SMURF2: variants seen among roughly 807,000 people sequenced by gnomAD.
SMURF2 encodes SMAD specific E3 ubiquitin protein ligase 2.
In SMURF2, 48 loss-of-function variants were observed where a neutral mutation model predicts 109.6. The ratio of observed to expected loss-of-function variants is 0.44; its 90% CI spans 0.35 to 0.56. The LOEUF is 0.56. Ranked by LOEUF, SMURF2 falls within the 20% of genes least tolerant of loss-of-function variation. The pLI is 0.01. For synonymous variants in SMURF2, 288 were observed against 317.1 expected, an observed-to-expected ratio of 0.91 and a Z score of 0.97; for missense variants, 575 against 909.0, an observed-to-expected ratio of 0.63 and a Z score of 4.72.
intron 1 of SMURF2, among the ~76,000 whole-genome samples, chr17:64,612,294 A>G (rs1232130283): frequency 3.3e-5 from 5 of 152,166 alleles, no homozygotes; most frequent in African/African-American, 1.2e-4. Flanking sequence ...TGAATGAAAT[A>G]GACCCTAAAA....
At chr17:64,635,689 T>C (rs2144714906) in intron 1 of SMURF2, among the ~76,000 whole-genome samples, 1 of 152,352 alleles carries the variant, frequency 6.6e-6, no homozygotes, top group Middle Eastern at 3.4e-3. Context: ...TAATATTCCA[T>C]TGTATAGATA....
intron 12 of SMURF2, among the ~76,000 whole-genome samples, chr17:64,560,186 T>A (rs1265409088): frequency 6.6e-6 from 1 of 151,894 alleles, no homozygotes; most frequent in Non-Finnish European, 1.5e-5. Flanking sequence ...CTGCACTCCA[T>A]GGAGCCTGGG....
In SMURF2 at chr17:64,542,330, T is replaced by C. The variant is rs868910784; in HGVS notation, c.*3518A>G. The C allele has an allele frequency of 1.3e-5, 2 of 152,218 alleles. No homozygotes were observed. Among genetic ancestry groups the C allele is most frequent in the Non-Finnish European group, 2.9e-5 (2 of 68,036 alleles). The allele number at this position is 152,218 out of a possible 1,614,324, so 9.4% of individuals were successfully genotyped here. Reference sequence around the variant, plus strand: ...GACAGTGCAAACAGCATTGATTTTATTGCTCGACTTCGGCATGGGCACATA... The same window carrying C: ...GACAGTGCAAACAGCATTGATTTTACTGCTCGACTTCGGCATGGGCACATA... On this transcript the variant is annotated 3_prime_UTR_variant, in exon 19 of 19. Transcript: ENST00000262435.
chr17:64,639,805 C>T (rs1234009527), intron 1 of SMURF2, among the ~76,000 whole-genome samples: 1 of 152,116 alleles, frequency 6.6e-6, no homozygotes, highest in Admixed American at 6.5e-5. Flanking sequence ...CCCAAGTACC[C>T]GTTACTGTTT....
Position 64,662,194 on chromosome 17 carries a change from T to C in SMURF2, c.-314A>G, listed in dbSNP as rs1970793662. 5 of 1,033,128 alleles carry C rather than the reference T, an allele frequency of 4.8e-6. No individual in the cohort carries two copies. Among genetic ancestry groups the C allele is most frequent in the African/African-American group, 1.7e-5 (1 of 57,830 alleles). The allele number at this position is 1,033,128 out of a possible 1,614,324, so 64.0% of individuals were successfully genotyped here. ...CCGCCGAGGCCTTTCCCTCCTCTCG[T>C]CTCGGCGAGGCCCAGTAGCCGACGG... On this transcript the variant is annotated 5_prime_UTR_variant, in exon 1 of 19. Coordinates refer to ENST00000262435, the MANE Select transcript of SMURF2 (RefSeq NM_022739.4).
At chr17:64,583,647 C>T (rs1555686800) in intron 6 of SMURF2, 103 bp from the exon 7 acceptor site, 2 of 765,480 alleles carry the variant, frequency 2.6e-6, no homozygotes, top group East Asian at 2.5e-5. Context: ...GGAATGCCAA[C>T]CCGAAGTATC....
intron 1 of SMURF2, among the ~76,000 whole-genome samples, chr17:64,660,404 G>GA (rs1220512009): frequency 3.1e-4 from 47 of 152,264 alleles, no homozygotes; most frequent in African/African-American, 1.1e-3. Context: ...GGGGGAGGGG[G>GA]TGGAATACAA....
At chr17:64,606,555 C>T in intron 2 of SMURF2, 47 bp downstream of exon 2, 1 of 1,330,644 alleles carries the variant, frequency 7.5e-7, no homozygotes, top group Non-Finnish European at 1.0e-6. Flanking sequence ...AACGCTGTTC[C>T]CAAAGATCTA....
intron 1 of SMURF2, among the ~76,000 whole-genome samples, chr17:64,644,030 C>T (rs1201966093): frequency 6.6e-6 from 1 of 151,630 alleles, no homozygotes; most frequent in Non-Finnish European, 1.5e-5. Context: ...TTCACCATAT[C>T]GCCCAGGCTG....
chr17:64,646,911 G>A (rs1970566865), intron 1 of SMURF2, among the ~76,000 whole-genome samples: 1 of 152,146 alleles, frequency 6.6e-6, no homozygotes, highest in South Asian at 2.1e-4. Flanking sequence ...AAAGTGGAAG[G>A]TAGAAAATAT....
intron 2 of SMURF2, among the ~76,000 whole-genome samples, chr17:64,603,578 C>CA (rs145816722): frequency 0.1 from 12,441 of 120,650 alleles, 1,184 homozygotes; most frequent in African/African-American, 0.28. Flanking sequence ...AAGACTCCGT[C>CA]GGGGGAAAAA....
At chr17:64,646,908 A>G (rs1371352311) in intron 1 of SMURF2, among the ~76,000 whole-genome samples, 2 of 152,204 alleles carry the variant, frequency 1.3e-5, no homozygotes, top group Admixed American at 6.5e-5. Context: ...TGTAAAGTGG[A>G]AGGTAGAAAA....
intron 2 of SMURF2, among the ~76,000 whole-genome samples, chr17:64,600,398 T>A (rs1197083054): frequency 6.6e-6 from 1 of 152,200 alleles, no homozygotes; most frequent in Non-Finnish European, 1.5e-5. Context: ...TAGAGTAGAT[T>A]TCCTGTGGAC....
chr17:64,643,013 A>C (rs1555692704), intron 1 of SMURF2, among the ~76,000 whole-genome samples: 1 of 151,684 alleles, frequency 6.6e-6, no homozygotes, highest in Non-Finnish European at 1.5e-5. Flanking sequence ...TCCAGGCTTA[A>C]GTTGAATTTT....
chr17:64,575,076 G>A (rs1969469556), intron 9 of SMURF2, among the ~76,000 whole-genome samples: 1 of 148,068 alleles, frequency 6.8e-6, no homozygotes, highest in African/African-American at 2.5e-5. Context: ...ATTTTGAAAA[G>A]TTAGGCCCTT....
chr17:64,613,713 T>TGA (rs1330530084), intron 1 of SMURF2, among the ~76,000 whole-genome samples: 284 of 130,138 alleles, frequency 2.2e-3, no homozygotes, highest in South Asian at 5.5e-3. Context: ...TGTGTGTGTG[T>TGA]GTGTGTGTGT....
chr17:64,648,547 G>A (rs1970592032), intron 1 of SMURF2, among the ~76,000 whole-genome samples: 2 of 152,018 alleles, frequency 1.3e-5, no homozygotes, highest in African/African-American at 4.8e-5. Context: ...CAAGACTGGA[G>A]GACTGTTTGA....
intron 15 of SMURF2, 68 bp downstream of exon 15, chr17:64,554,788 A>T: frequency 6.9e-7 from 1 of 1,450,208 alleles, no homozygotes; most frequent in Non-Finnish European, 9.5e-7. Flanking sequence ...CTAAATATTT[A>T]AGTTTGTTCA....
chr17:64,649,561 G>T (rs1970607645), intron 1 of SMURF2, among the ~76,000 whole-genome samples: 1 of 152,114 alleles, frequency 6.6e-6, no homozygotes, highest in African/African-American at 2.4e-5. Flanking sequence ...AAATATTGAG[G>T]CCGGGTGCAG....
Sources: gnomAD v4.1 joint callset for allele counts (sites outside exome capture counted in the v4.1 genomes callset) on GRCh38, gnomAD v4.1.1 for gene constraint, MANE v1.5 for transcripts, NCBI Gene and HGNC (gene_info 2026-07-23, HGNC 2026-07-21) for gene names.